Variants in YWHAE observed in about 807,000 individuals in gnomAD.
The protein encoded by YWHAE is 14-3-3 protein epsilon.
A neutral mutation model predicts 30.1 loss-of-function variants in YWHAE; 4 were observed. That is an observed-to-expected ratio of 0.13 (90% CI 0.07 to 0.30). The LOEUF is 0.30. Among genes scored for constraint, YWHAE ranks in the 10% least tolerant of loss-of-function variants. YWHAE has a pLI of 1.00. For missense variants in YWHAE, 121 were observed against 315.9 expected (o/e 0.38, Z 4.68); for synonymous variants, 118 against 111.8 (o/e 1.06, Z -0.35).
chr17:1,398,500 T>C (rs1035860745), intron 1 of YWHAE, among the ~76,000 whole-genome samples: 48 of 152,132 alleles, frequency 3.2e-4, no homozygotes, highest in African/African-American at 1.1e-3. Flanking sequence ...CCTGAGGTTA[T>C]TCACATGACT....
chr17:1,354,162 CAA>C (rs1448875044), intron 5 of YWHAE, 47 bp downstream of exon 5: 1 of 1,597,398 alleles, frequency 6.3e-7, no homozygotes, highest in South Asian at 1.1e-5. Context: ...AGAGTACAAA[CAA>C]ATCCTGCAAC....
At chr17:1,399,286 G>A (rs1447896935) in intron 1 of YWHAE, 2 of 152,170 alleles carry the variant, frequency 1.3e-5, no homozygotes, top group Admixed American at 6.6e-5. Context: ...GGGAGGGAGT[G>A]AGGATTTTCT....
At chr17:1,382,711 A>T (rs1216138534) in intron 1 of YWHAE, among the ~76,000 whole-genome samples, 3 of 151,962 alleles carry the variant, frequency 2.0e-5, no homozygotes, top group African/African-American at 7.3e-5. Context: ...TTTACATTTA[A>T]ATTCATCTTT....
chr17:1,397,563 C>G lies in YWHAE; in HGVS notation c.64+2484G>C, dbSNP rs183128553. Among the ~76,000 whole-genome samples the G allele has an allele frequency of 1.2e-3, 178 of 152,216 alleles. 1 individual carries two copies. The Middle Eastern group carries it at 0.014, about 12-fold the overall frequency. ...AAATAAAATAAGCCTGCTGCAGTAA[C>G]AGAGAGATAAAAGGGCAGCTGGAAA... is the stretch of plus-strand genomic sequence containing the variant. On this transcript the variant is annotated intron_variant, in intron 1 of 5. Transcript: ENST00000264335.
chr17:1,392,516 G>A (rs1343095773), intron 1 of YWHAE, among the ~76,000 whole-genome samples: 1 of 152,112 alleles, frequency 6.6e-6, no homozygotes, highest in Non-Finnish European at 1.5e-5. Flanking sequence ...GAACAACACT[G>A]GTGAATCATA....
intron 1 of YWHAE, among the ~76,000 whole-genome samples, chr17:1,396,401 GAGAC>G (rs2073472379): frequency 6.6e-6 from 1 of 152,086 alleles, no homozygotes; most frequent in South Asian, 2.1e-4. Flanking sequence ...TAAAGCCTGG[GAGAC>G]AGAGCGAGAC....
At chr17:1,378,565 G>A (rs1178057880) in intron 1 of YWHAE, among the ~76,000 whole-genome samples, 1 of 152,152 alleles carries the variant, frequency 6.6e-6, no homozygotes, top group Non-Finnish European at 1.5e-5. Flanking sequence ...AATAATCTGG[G>A]AAGCATCAGT....
intron 1 of YWHAE, among the ~76,000 whole-genome samples, chr17:1,379,117 C>T (rs776497136): frequency 9.9e-5 from 15 of 152,132 alleles, no homozygotes; most frequent in Non-Finnish European, 1.8e-4. Context: ...TTAAAGTTTG[C>T]GATGTCATCA....
At position 1,354,319 on chromosome 17, in the gene YWHAE, T is replaced by C. The variant is rs144333800; in HGVS notation, c.607A>G (p.Ile203Val). Residue 203 changes from isoleucine to valine, a missense_variant, in exon 5 of 6, where the codon ATT becomes GTT. Coordinates refer to ENST00000264335, the MANE Select transcript of YWHAE (RefSeq NM_006761.5). ...TCACTCAGCGTATCCAGTTCTGCAA[T>C]TGCATCATCAAAAGCTGCTTTTGCC... ...RLAKAAFDDAIAELDTLSEES... is the reference protein window; with the variant it reads ...RLAKAAFDDAVAELDTLSEES... 4.3e-6 allele frequency: 7 copies of C among 1,614,046 alleles called. No individual in the cohort carries two copies. Among genetic ancestry groups the C allele is most frequent in the African/African-American group, 1.3e-5 (1 of 75,068 alleles).
chr17:1,352,385 C>T (rs1014378756), intron 5 of YWHAE: 6 of 152,186 alleles, frequency 3.9e-5, no homozygotes, highest in African/African-American at 1.4e-4. Context: ...AGAAAAGACA[C>T]ATACGTGCCC....
intron 5 of YWHAE, among the ~76,000 whole-genome samples, chr17:1,349,975 G>A (rs187314887): frequency 6.7e-5 from 9 of 135,220 alleles, no homozygotes; most frequent in South Asian, 2.3e-4. Flanking sequence ...TTTTTTGGAC[G>A]AAGTTTCTCT....
chr17:1,399,962 C>G, intron 1 of YWHAE, 85 bp downstream of exon 1: 1 of 1,547,468 alleles, frequency 6.5e-7, no homozygotes, highest in Non-Finnish European at 8.9e-7. Flanking sequence ...CAGACGATGC[C>G]GCCATTTTGT....
At chr17:1,373,105 T>TG (rs1443847448) in intron 1 of YWHAE, among the ~76,000 whole-genome samples, 1 of 151,728 alleles carries the variant, frequency 6.6e-6, no homozygotes, top group Non-Finnish European at 1.5e-5. Flanking sequence ...TAGCCAGGCA[T>TG]GGGGGCGCGT....
At chr17:1,376,436 C>G (rs1199753153) in intron 1 of YWHAE, among the ~76,000 whole-genome samples, 2 of 151,912 alleles carry the variant, frequency 1.3e-5, no homozygotes, top group Non-Finnish European at 2.9e-5. Context: ...GAAGTTCACT[C>G]CTGCTTAAAA....
intron 5 of YWHAE, among the ~76,000 whole-genome samples, chr17:1,349,084 T>C (rs1172367281): frequency 6.6e-6 from 1 of 150,706 alleles, no homozygotes; most frequent in Non-Finnish European, 1.5e-5. Flanking sequence ...GACTCGGGCC[T>C]GTAATCCCAG....
At chr17:1,347,943 T>C (rs2072554104) in intron 5 of YWHAE, 3 of 1,008,104 alleles carry the variant, frequency 3.0e-6, no homozygotes, top group African/African-American at 3.4e-5. Context: ...GAATTCACTG[T>C]GCCATGAACG....
intron 4 of YWHAE, among the ~76,000 whole-genome samples, chr17:1,355,009 T>TA (rs2072708565): frequency 7.9e-6 from 1 of 126,580 alleles, no homozygotes; most frequent in South Asian, 2.9e-4. Context: ...AGGGATTCGT[T>TA]ATGTTGCCCA....
Position 1,367,378 on chromosome 17 carries a change from G to A in YWHAE, c.65-2320C>T, listed in dbSNP as rs1445603791. On this transcript the variant is annotated intron_variant, in intron 1 of 5. Transcript: ENST00000264335. ...AGCATTTGGGGAGGCCAAGACAGGA[G>A]GATTACTTGAGCCCAGTAGTTTGAG... Among the ~76,000 whole-genome samples, 4 of 152,156 alleles carry A rather than the reference G, an allele frequency of 2.6e-5. No individual in the cohort carries two copies. The East Asian group carries it at 7.7e-4, about 29-fold the overall frequency.
chr17:1,365,652 A>G (rs536667280), intron 1 of YWHAE, among the ~76,000 whole-genome samples: 1 of 152,306 alleles, frequency 6.6e-6, no homozygotes, highest in East Asian at 1.9e-4. Context: ...CTTGGCATCT[A>G]CCGCAAGCAT....
Sources: gnomAD v4.1 joint callset for allele counts (sites outside exome capture counted in the v4.1 genomes callset) on GRCh38, gnomAD v4.1.1 for gene constraint, MANE v1.5 for transcripts, NCBI Gene and HGNC (gene_info 2026-07-23, HGNC 2026-07-21) for gene names.